RARB: variants seen among roughly 807,000 people sequenced by gnomAD.
The protein encoded by RARB is HBV-activated protein.
Under a neutral mutation model 51.9 loss-of-function variants are expected in RARB, and 17 were observed. The observed-to-expected ratio is 0.33, with a 90% confidence interval of 0.22 to 0.49. The LOEUF (loss-of-function observed/expected upper bound fraction) is 0.49. Ranked by LOEUF, RARB falls within the 20% of genes least tolerant of loss-of-function variation. RARB has a pLI of 0.99. For synonymous variants in RARB, 215 were observed against 195.4 expected, an observed-to-expected ratio of 1.10 and a Z score of -0.84; for missense variants, 369 against 550.8, an observed-to-expected ratio of 0.67 and a Z score of 3.30.
intron 2 of RARB, among the ~76,000 whole-genome samples, chr3:24,931,910 T>C (rs1490466241): frequency 6.6e-6 from 1 of 152,046 alleles, no homozygotes; most frequent in African/African-American, 2.4e-5. Context: ...CTGTTAGTTG[T>C]TTGGAGAGTG....
chr3:25,446,802 CAAAAAA>C (rs5847356), intron 1 of RARB, among the ~76,000 whole-genome samples: 2 of 69,076 alleles, frequency 2.9e-5, no homozygotes, highest in African/African-American at 6.5e-5. Flanking sequence ...GACTCCGTCT[CAAAAAA>C]AAAAAAAAAA....
chr3:25,078,780 C>G (rs559504960), intron 3 of RARB, among the ~76,000 whole-genome samples: 1 of 152,202 alleles, frequency 6.6e-6, no homozygotes, highest in Non-Finnish European at 1.5e-5. Flanking sequence ...ATCTGTCCGT[C>G]TTGGCCTCCC....
At chr3:25,174,690 T>C (rs1015020599) in intron 5 of RARB, 1 of 1,044,064 alleles carries the variant, frequency 9.6e-7, no homozygotes, top group African/African-American at 1.7e-5. Flanking sequence ...TGCTGGTTTC[T>C]TTTGGTCTTG....
At chr3:25,596,353 G>A in intron 7 of RARB, 67 bp from the exon 8 acceptor site, 3 of 1,241,524 alleles carry the variant, frequency 2.4e-6, no homozygotes, top group Non-Finnish European at 3.4e-6. Context: ...ATGAAAATTG[G>A]TCCCTGGTTA....
chr3:25,590,518 G>T (rs935245956), intron 5 of RARB, among the ~76,000 whole-genome samples: 6 of 152,124 alleles, frequency 3.9e-5, no homozygotes, highest in African/African-American at 1.4e-4. Context: ...TACTAACTTT[G>T]TTGTTGTGGT....
At chr3:25,425,500 T>C (rs569008938), upstream of RARB, among the ~76,000 whole-genome samples, 1 of 152,226 alleles carries the variant, frequency 6.6e-6, no homozygotes, top group Non-Finnish European at 1.5e-5. Context: ...GAATGATTAA[T>C]TGACTAGCGA....
At position 25,457,849 on chromosome 3, in the gene RARB, C is replaced by T. The variant is rs143280804; in HGVS notation, c.158-3344C>T. 2.5e-3 allele frequency among the ~76,000 whole-genome samples: 383 copies of T among 152,282 alleles called. 1 individual carries two copies. The highest frequency in any genetic ancestry group is 8.3e-3 in the African/African-American group (344 of 41,556). Reference sequence around the variant, plus strand: ...GACAGGCCAGATTAGCTGTTCTACACGAACGAGTAGGACCTTAAAACACAC... The same window carrying T: ...GACAGGCCAGATTAGCTGTTCTACATGAACGAGTAGGACCTTAAAACACAC... On this transcript the variant is annotated intron_variant, in intron 1 of 7. Transcript: ENST00000330688.
chr3:25,466,385 G>A (rs1047124416), intron 2 of RARB, among the ~76,000 whole-genome samples: 3 of 152,050 alleles, frequency 2.0e-5, no homozygotes, highest in Non-Finnish European at 2.9e-5. Context: ...TAGTAGAGAC[G>A]GGGTTACTCC....
chr3:25,177,592 G>C (rs945068198), intron 5 of RARB, among the ~76,000 whole-genome samples: 1 of 152,142 alleles, frequency 6.6e-6, no homozygotes, highest in East Asian at 1.9e-4. Flanking sequence ...AATTGTAAAG[G>C]CTCAATAATT....
intron 5 of RARB, among the ~76,000 whole-genome samples, chr3:25,234,250 A>C (rs1702251205): frequency 6.6e-6 from 1 of 152,158 alleles, no homozygotes; most frequent in Non-Finnish European, 1.5e-5. Flanking sequence ...TATGTAGACT[A>C]TCCAAGTTAC....
intron 2 of RARB, among the ~76,000 whole-genome samples, chr3:24,918,814 C>G (rs1449450188): frequency 6.6e-6 from 1 of 152,152 alleles, no homozygotes; most frequent in Non-Finnish European, 1.5e-5. Context: ...TTGCTTGAAC[C>G]CAGGATGCAG....
intron 5 of RARB, among the ~76,000 whole-genome samples, chr3:25,246,266 T>A (rs1702558262): frequency 6.6e-6 from 1 of 152,138 alleles, no homozygotes; most frequent in Non-Finnish European, 1.5e-5. Flanking sequence ...GATTAGAACA[T>A]GCTCCTTTAG....
intron 5 of RARB, among the ~76,000 whole-genome samples, chr3:25,315,232 C>A (rs1399800067): frequency 2.6e-5 from 4 of 152,274 alleles, no homozygotes. Flanking sequence ...ATACACACAT[C>A]CCACTAGACA....
chr3:25,261,720 C>G (rs1703001917), intron 5 of RARB, among the ~76,000 whole-genome samples: 1 of 152,118 alleles, frequency 6.6e-6, no homozygotes, highest in South Asian at 2.1e-4. Context: ...TTCTGTATCT[C>G]ACTCGAGGGC....
At chr3:25,382,820 G>C (rs550239029) in intron 5 of RARB, among the ~76,000 whole-genome samples, 1 of 151,964 alleles carries the variant, frequency 6.6e-6, no homozygotes, top group Non-Finnish European at 1.5e-5. Flanking sequence ...ATCATGCCAC[G>C]GCACTCCAGC....
chr3:24,893,116 G>C (rs1703416052), intron 2 of RARB, among the ~76,000 whole-genome samples: 1 of 152,218 alleles, frequency 6.6e-6, no homozygotes, highest in African/African-American at 2.4e-5. Context: ...ATGAACTCTA[G>C]TAATGGTGGG....
intron 5 of RARB, among the ~76,000 whole-genome samples, chr3:25,195,449 A>G (rs951387583): frequency 6.6e-6 from 1 of 152,084 alleles, no homozygotes; most frequent in African/African-American, 2.4e-5. Flanking sequence ...GACGATTCAG[A>G]CATTAAAAAA....
intron 2 of RARB, among the ~76,000 whole-genome samples, chr3:25,058,683 A>T (rs1438453891): frequency 6.6e-6 from 1 of 151,718 alleles, no homozygotes; most frequent in Non-Finnish European, 1.5e-5. Flanking sequence ...TTTATTGTTC[A>T]CTATTACTAA....
chr3:25,005,119 T>C (rs1296444917), intron 2 of RARB, among the ~76,000 whole-genome samples: 2 of 152,186 alleles, frequency 1.3e-5, no homozygotes, highest in Non-Finnish European at 2.9e-5. Flanking sequence ...GTATGTTTAG[T>C]ATCCAACCAC....
Sources: gnomAD v4.1 joint callset for allele counts (sites outside exome capture counted in the v4.1 genomes callset) on GRCh38, gnomAD v4.1.1 for gene constraint, MANE v1.5 for transcripts, NCBI Gene and HGNC (gene_info 2026-07-23, HGNC 2026-07-21) for gene names.